Variants in TRIO observed in about 807,000 individuals in gnomAD.
TRIO encodes the protein trio Rho guanine nucleotide exchange factor, also known as triple functional domain protein.
A neutral mutation model predicts 351.9 loss-of-function variants in TRIO; 58 were observed. The ratio of observed to expected loss-of-function variants is 0.16; its 90% confidence interval spans 0.13 to 0.21. The LOEUF (loss-of-function observed/expected upper bound fraction) is 0.21. TRIO is among the 10% of genes least tolerant of loss of function. The pLI is 1.00. For missense variants in TRIO, 3,201 were observed against 4,027.8 expected, an observed-to-expected ratio of 0.79 and a Z score of 5.56; for synonymous variants, 1,758 against 1,595.7, an observed-to-expected ratio of 1.10 and a Z score of -2.42.
intron 1 of TRIO, among the ~76,000 whole-genome samples, chr5:14,240,503 C>T (rs1453815259): frequency 6.6e-6 from 1 of 152,174 alleles, no homozygotes; most frequent in African/African-American, 2.4e-5. Context: ...TCCTCTTTCC[C>T]TTGTGGTGAA....
intron 1 of TRIO, among the ~76,000 whole-genome samples, chr5:14,147,637 T>G (rs1429735387): frequency 6.6e-6 from 1 of 152,232 alleles, no homozygotes; most frequent in African/African-American, 2.4e-5. Context: ...AGCCCCTGTC[T>G]TTCCAGGGAA....
intron 1 of TRIO, among the ~76,000 whole-genome samples, chr5:14,148,852 A>T: frequency 6.6e-6 from 1 of 152,168 alleles, no homozygotes; most frequent in Non-Finnish European, 1.5e-5. Context: ...GCCTCATTTT[A>T]ATTAATGGGC....
chr5:14,448,277 T>C (rs1752586015), intron 34 of TRIO, among the ~76,000 whole-genome samples: 1 of 152,270 alleles, frequency 6.6e-6, no homozygotes, highest in Non-Finnish European at 1.5e-5. Flanking sequence ...AAGTTCTTGC[T>C]TTCTGAGCAT....
rs1350703833 is a variant in TRIO, at chr5:14,487,922, G to A, written c.7294G>A (p.Ala2432Thr). ...AANASGSSPDAPAKDARASLG... is the reference protein window; with the variant it reads ...AANASGSSPDTPAKDARASLG... Reference sequence around the variant, plus strand: ...GAACGCCTCGGGGTCGAGCCCAGACGCCCCCGCCAAGGACGCGCGCGCTAG... The same window carrying A: ...GAACGCCTCGGGGTCGAGCCCAGACACCCCCGCCAAGGACGCGCGCGCTAG... The change falls in exon 48 of 57, where the codon GCC becomes ACC. Residue 2432 changes from alanine to threonine, a missense_variant. Coordinates refer to ENST00000344204, the MANE Select transcript of TRIO (RefSeq NM_007118.4). 2.0e-6 allele frequency: 3 copies of A among 1,538,030 alleles called. No homozygotes were observed. The highest frequency in any genetic ancestry group is 1.2e-5 in the South Asian group (1 of 83,032).
At chr5:14,479,857 G>A in intron 42 of TRIO, 62 bp from the exon 43 acceptor site, 2 of 1,485,270 alleles carry the variant, frequency 1.3e-6, no homozygotes, top group South Asian at 2.3e-5. Flanking sequence ...CAATTACAAA[G>A]ACTAAAAAAT....
rs1215504721 is a variant in TRIO at position 14,406,558 on chromosome 5, T to G, written c.4860-15T>G. ...TCAGCAGCATCAGGAACTAAAAGTT[T>G]CTTTGCACCGCCAGGGATGGAGAGG... On this transcript the variant is annotated splice_polypyrimidine_tract_variant and intron_variant, in intron 32 of 56. Coordinates refer to ENST00000344204, the MANE Select transcript of TRIO (RefSeq NM_007118.4). 1 of 1,613,676 alleles carries G rather than the reference T, an allele frequency of 6.2e-7. No homozygotes were observed. The highest frequency in any genetic ancestry group is 1.1e-5 in the South Asian group (1 of 91,068).
Position 14,207,355 on chromosome 5 carries a change from C to G in TRIO, c.158-63470C>G, listed in dbSNP as rs1309825577. On this transcript the variant is annotated intron_variant, in intron 1 of 56. Coordinates refer to ENST00000344204, the MANE Select transcript of TRIO (RefSeq NM_007118.4). ...ACACACACACACACACACACACACA[C>G]ACACACAGAGCCAGGTAGCATAGCA... Among the ~76,000 whole-genome samples the G allele has an allele frequency of 3.2e-4, 22 of 68,250 alleles. 2 individuals carry two copies. The highest frequency in any genetic ancestry group is 2.1e-3 in the East Asian group (3 of 1,458). The allele number at this position is 68,250 out of a possible 152,430, so 44.8% of individuals were successfully genotyped here.
At chr5:14,503,173 C>T (rs1244618295) in intron 54 of TRIO, among the ~76,000 whole-genome samples, 1 of 152,250 alleles carries the variant, frequency 6.6e-6, no homozygotes, top group African/African-American at 2.4e-5. Flanking sequence ...TTGGCTCTGC[C>T]TCCAGGGCCA....
chr5:14,451,073 T>C (rs957457595), intron 34 of TRIO, among the ~76,000 whole-genome samples: 3 of 152,222 alleles, frequency 2.0e-5, no homozygotes, highest in African/African-American at 7.2e-5. Context: ...TACTTGTATA[T>C]TCCGAACCAC....
intron 1 of TRIO, among the ~76,000 whole-genome samples, chr5:14,190,693 A>C (rs1790401620): frequency 6.6e-6 from 1 of 152,198 alleles, no homozygotes; most frequent in Non-Finnish European, 1.5e-5. Context: ...TGACTGGGGC[A>C]GTGACTTGTA....
rs141059124 is a variant in TRIO at position 14,209,168 on chromosome 5, T to C, written c.158-61657T>C. Among the ~76,000 whole-genome samples the C allele has an allele frequency of 2.7e-3, 406 of 152,368 alleles. 3 individuals are homozygous for C. Among genetic ancestry groups the C allele is most frequent in the African/African-American group, 9.0e-3 (376 of 41,594 alleles). ...GATAACTTACAGGTCTCAGAGCCAG[T>C]AGGTCCCATTCTCATGTTATGACCA... On this transcript the variant is annotated intron_variant, in intron 1 of 56. Coordinates refer to ENST00000344204, the MANE Select transcript of TRIO (RefSeq NM_007118.4).
Position 14,316,513 on chromosome 5 carries a change from G to A in TRIO, c.1501G>A (p.Val501Ile), listed in dbSNP as rs144438502. ...YEHITLAYSE[V>I]SQDGKSLLDK... ...AATCACTCATTTCTTTTGTGGGCAGGTCAGCCAAGATGGGAAGTCGCTCCT... is the reference window on the plus strand; with the variant it reads ...AATCACTCATTTCTTTTGTGGGCAGATCAGCCAAGATGGGAAGTCGCTCCT... The change falls in exon 9 of 57, where the codon GTC becomes ATC. Residue 501 changes from valine to isoleucine, a missense_variant and splice_region_variant. Val to Ile is a conservative substitution (Grantham distance 29). Transcript: ENST00000344204. 1 of 1,613,686 alleles carries A rather than the reference G, an allele frequency of 6.2e-7. No individual in the cohort carries two copies. Among genetic ancestry groups the A allele is most frequent in the African/African-American group, 1.3e-5 (1 of 74,930 alleles).
At chr5:14,410,592 G>A (rs1346598647) in intron 33 of TRIO, among the ~76,000 whole-genome samples, 1 of 152,222 alleles carries the variant, frequency 6.6e-6, no homozygotes, top group African/African-American at 2.4e-5. Flanking sequence ...CATTCTGCCT[G>A]TTCGACTTAA....
chr5:14,507,783 C>T (rs1321995948), intron 56 of TRIO, 97 bp from the exon 57 acceptor site: 2 of 1,444,950 alleles, frequency 1.4e-6, no homozygotes, highest in Non-Finnish European at 1.9e-6. Flanking sequence ...AGTTGACATC[C>T]TAGATTCCTT....
At position 14,462,835 on chromosome 5, in the gene TRIO, A is replaced by G. The variant is rs1186650929; in HGVS notation, c.5577A>G (p.Glu1859=). Reference sequence around the variant, plus strand: ...GGATGCAGAGCTGTGGAGAAGAGGAAGGCGAGGAGGGGGCCGACGCCGTGC... The same window carrying G: ...GGATGCAGAGCTGTGGAGAAGAGGAGGGCGAGGAGGGGGCCGACGCCGTGC... ...SSGMQSCGEE[E]GEEGADAVPL... Residue 1859 remains glutamate (E), a synonymous_variant, in exon 36 of 57, where the codon GAA becomes GAG. Transcript: ENST00000344204. The G allele has an allele frequency of 8.7e-6, 14 of 1,613,966 alleles. No individual in the cohort carries two copies. The highest frequency in any genetic ancestry group is 1.2e-5 in the Non-Finnish European group (14 of 1,179,986).
intron 45 of TRIO, chr5:14,481,894 C>T: frequency 2.7e-6 from 1 of 372,926 alleles, no homozygotes; most frequent in South Asian, 4.0e-5. Flanking sequence ...GGGCCCAGTA[C>T]TGTAAGAGCT....
intron 29 of TRIO, among the ~76,000 whole-genome samples, chr5:14,397,988 G>A (rs1747755072): frequency 6.6e-6 from 1 of 152,170 alleles, no homozygotes; most frequent in Non-Finnish European, 1.5e-5. Flanking sequence ...CATTTAGCAG[G>A]AAGTGGGGAA....
intron 6 of TRIO, among the ~76,000 whole-genome samples, chr5:14,293,436 A>G (rs1044124053): frequency 2.6e-5 from 4 of 152,370 alleles, no homozygotes; most frequent in Middle Eastern, 6.8e-3. Flanking sequence ...ATAGGAGCCC[A>G]CGGGGGCCCC....
chr5:14,412,454 G>A (rs1749285729), intron 33 of TRIO, among the ~76,000 whole-genome samples: 1 of 152,190 alleles, frequency 6.6e-6, no homozygotes, highest in Non-Finnish European at 1.5e-5. Context: ...CACCATCTTG[G>A]GTAAGGGTGT....
Sources: allele counts gnomAD v4.1 joint callset (sites outside exome capture counted in the v4.1 genomes callset), GRCh38; gene constraint gnomAD v4.1.1; transcripts MANE v1.5; gene names NCBI Gene and HGNC (gene_info 2026-07-23, HGNC 2026-07-21).